Variants in SMAD2 observed in about 807,000 individuals in gnomAD.
SMAD2 encodes the protein MAD homolog 2.
A neutral mutation model predicts 64.4 loss-of-function variants in SMAD2; 8 were observed. The observed-to-expected ratio is 0.12, with a 90% CI of 0.07 to 0.22. The LOEUF (loss-of-function observed/expected upper bound fraction) is 0.22, where lower values mean the gene tolerates loss of function less well. SMAD2 is among the 10% of genes least tolerant of loss of function. SMAD2 has a pLI of 1.00. For synonymous variants in SMAD2, 203 were observed against 195.8 expected (o/e 1.04, Z -0.31); for missense variants, 289 against 561.2 (o/e 0.51, Z 4.90).
intron 1 of SMAD2, among the ~76,000 whole-genome samples, chr18:47,912,841 A>C (rs2034190433): frequency 2.0e-5 from 3 of 150,126 alleles, no homozygotes; most frequent in African/African-American, 7.5e-5. Flanking sequence ...TAAAAAATGA[A>C]ACTTCTGTAT....
chr18:47,926,223 G>C (rs957997871), intron 1 of SMAD2, among the ~76,000 whole-genome samples: 6 of 152,272 alleles, frequency 3.9e-5, no homozygotes, highest in African/African-American at 1.4e-4. Context: ...ATAAGCTATA[G>C]CACAATCTTC....
chr18:47,925,154 A>C (rs2034714416), intron 1 of SMAD2, among the ~76,000 whole-genome samples: 1 of 152,220 alleles, frequency 6.6e-6, no homozygotes, highest in South Asian at 2.1e-4. Flanking sequence ...AACAGAAGCA[A>C]CTAAAGTCTA....
Position 47,830,721 on chromosome 18 carries a change from G to A in SMAD2, c.*11106C>T, listed in dbSNP as rs1248774658. The A allele has an allele frequency of 3.3e-5, 5 of 153,052 alleles. No individual in the cohort carries two copies. The highest frequency in any genetic ancestry group is 5.8e-5 in the Non-Finnish European group (4 of 68,582). 9.5% of individuals were successfully genotyped at this position (153,052 alleles called of 1,614,324 possible). A position where few individuals can be genotyped will look rare whatever the true frequency, so the allele number is the denominator to read the frequency against. On this transcript the variant is annotated 3_prime_UTR_variant, in exon 11 of 11. Coordinates refer to ENST00000262160, the MANE Select transcript of SMAD2 (RefSeq NM_005901.6). ...TCAAATACTGCCACAATATAGTTTA[G>A]AGGCAAGACCTCTCATGAAGAAAAA...
intron 2 of SMAD2, among the ~76,000 whole-genome samples, chr18:47,879,674 ATTTC>A (rs2032473985): frequency 1.3e-5 from 2 of 152,152 alleles, no homozygotes; most frequent in African/African-American, 4.8e-5. Context: ...TAGAAATATG[ATTTC>A]TTTTTTTCTC....
rs191077192 is a variant in SMAD2 at position 47,838,376 on chromosome 18, A to G, written c.*3451T>C. On this transcript the variant is annotated 3_prime_UTR_variant, in exon 11 of 11. Transcript: ENST00000262160. ...TCTGCCAAAGTGACAGGTCCTGAGG[A>G]AAAAAAACACAACCTCTACAAGACC... 6.0e-5 allele frequency: 14 copies of G among 232,968 alleles called. No homozygotes were observed. Among genetic ancestry groups the G allele is most frequent in the African/African-American group, 1.8e-4 (8 of 45,396 alleles). 14.4% of individuals were successfully genotyped at this position (232,968 alleles called of 1,614,324 possible).
chr18:47,835,642 G>T lies in SMAD2; in HGVS notation c.*6185C>A. 1 of 193,344 alleles carries T rather than the reference G, an allele frequency of 5.2e-6. No homozygotes were observed. Among genetic ancestry groups the T allele is most frequent in the Admixed American group, 6.1e-5 (1 of 16,368 alleles). 12.0% of individuals were successfully genotyped at this position (193,344 alleles called of 1,614,324 possible). A position where few individuals can be genotyped will look rare whatever the true frequency, so the allele number is the denominator to read the frequency against. On this transcript the variant is annotated 3_prime_UTR_variant, in exon 11 of 11. Coordinates refer to ENST00000262160, the MANE Select transcript of SMAD2 (RefSeq NM_005901.6). The stretch of plus-strand genomic sequence containing the variant: ...AACTTAATATAGAACCAGAAATATG[G>T]CAAGTTACCTAGTGATTAACATTGT...
intron 2 of SMAD2, among the ~76,000 whole-genome samples, chr18:47,891,037 G>A (rs747091469): frequency 9.9e-5 from 15 of 152,168 alleles, no homozygotes; most frequent in Non-Finnish European, 1.6e-4. Context: ...GGGCATGGTG[G>A]CTCATGCCTG....
chr18:47,848,519 T>C lies in SMAD2; in HGVS notation c.953A>G (p.Asn318Ser). The C allele has an allele frequency of 1.9e-6, 3 of 1,613,980 alleles. No individual in the cohort carries two copies. The highest frequency in any genetic ancestry group is 1.7e-5 in the Admixed American group (1 of 60,020). The change falls in exon 8 of 11, where the codon AAT becomes AGT. Residue 318 changes from asparagine to serine, a missense_variant. Transcript: ENST00000262160. ...SERFCLGLLS[N>S]VNRNATVEMT... ...TTCTACCGTGGCATTTCGGTTAACA[T>C]TGGAGAGTAAACCTAAGCAGAACCT...
Position 47,820,250 on chromosome 18 carries a change from TC to T in SMAD2, c.*21576del, listed in dbSNP as rs1912523822. The T allele has an allele frequency of 6.6e-6, 1 of 152,188 alleles. No individual in the cohort carries two copies. The highest frequency in any genetic ancestry group is 6.5e-5 in the Admixed American group (1 of 15,270). 9.4% of individuals were successfully genotyped at this position (152,188 alleles called of 1,614,324 possible). On this transcript the variant is annotated 3_prime_UTR_variant, in exon 11 of 11. Coordinates refer to ENST00000262160, the MANE Select transcript of SMAD2 (RefSeq NM_005901.6). ...ATGTTTCTAAAAATTATAATATGGT[TC>T]TCATTTATAAAATGCTGATATAACA...
intron 2 of SMAD2, among the ~76,000 whole-genome samples, chr18:47,883,886 A>C (rs1452434682): frequency 1.3e-5 from 2 of 152,214 alleles, no homozygotes; most frequent in Non-Finnish European, 2.9e-5. Context: ...GACTGCTGAT[A>C]GGTTTCAAGC....
Position 47,866,256 on chromosome 18 carries a change from C to T in SMAD2, c.656-1123G>A, listed in dbSNP as rs80345885. 6.7e-4 allele frequency among the ~76,000 whole-genome samples: 84 copies of T among 124,818 alleles called. No homozygotes were observed. The East Asian group carries it at 0.012, about 17-fold the overall frequency. 81.9% of individuals were successfully genotyped at this position (124,818 alleles called of 152,430 possible). On this transcript the variant is annotated intron_variant, in intron 5 of 10. Transcript: ENST00000262160. The stretch of plus-strand genomic sequence containing the variant: ...ATTTGAACCCAGGAGGTGGAGGCTG[C>T]GGTGAGCCGAGATCACACCATTGTA...
chr18:47,900,768 A>ATCATTGTAGTTCACCT (rs1555659740), intron 1 of SMAD2, among the ~76,000 whole-genome samples: 1 of 152,152 alleles, frequency 6.6e-6, no homozygotes, highest in Non-Finnish European at 1.5e-5. Flanking sequence ...AGCAATCTAG[A>ATCATTGTAGTTCACCT]TCATTGTAGT....
chr18:47,862,005 G>C (rs903844640), intron 6 of SMAD2, among the ~76,000 whole-genome samples: 1 of 152,202 alleles, frequency 6.6e-6, no homozygotes, highest in African/African-American at 2.4e-5. Context: ...GTCTAGCTCA[G>C]AGTCTCACTA....
Position 47,841,040 on chromosome 18 carries a change from TG to T in SMAD2, c.*786del, listed in dbSNP as rs1913896095. ...GTATCAATGCAACTATTACTGGTGATGATGTCATGTTATGCTGTTTTGATTA... is the reference window on the plus strand; with the variant it reads ...GTATCAATGCAACTATTACTGGTGATATGTCATGTTATGCTGTTTTGATTA... On this transcript the variant is annotated 3_prime_UTR_variant, in exon 11 of 11. Transcript: ENST00000262160. 1 of 232,282 alleles carries T rather than the reference TG, an allele frequency of 4.3e-6. No individual in the cohort carries two copies. Among genetic ancestry groups the T allele is most frequent in the South Asian group, 1.8e-4 (1 of 5,524 alleles). The allele number at this position is 232,282 out of a possible 1,614,324, so 14.4% of individuals were successfully genotyped here. A position where few individuals can be genotyped will look rare whatever the true frequency, so the allele number is the denominator to read the frequency against.
intron 1 of SMAD2, among the ~76,000 whole-genome samples, chr18:47,930,092 A>C (rs1296361950): frequency 3.3e-5 from 5 of 152,174 alleles, no homozygotes; most frequent in African/African-American, 9.7e-5. Context: ...TCAGAACCAC[A>C]AACTATGGAG....
At chr18:47,852,719 T>TA (rs1333157394) in intron 6 of SMAD2, among the ~76,000 whole-genome samples, 2 of 152,118 alleles carry the variant, frequency 1.3e-5, no homozygotes, top group Non-Finnish European at 2.9e-5. Flanking sequence ...TCAGTTCTGG[T>TA]AAATTACACT....
At chr18:47,906,950 A>G (rs541094033) in intron 1 of SMAD2, among the ~76,000 whole-genome samples, 5 of 152,164 alleles carry the variant, frequency 3.3e-5, no homozygotes, top group East Asian at 3.9e-4. Flanking sequence ...TCTCCATCTC[A>G]AGATCCTTAA....
chr18:47,888,913 A>T (rs1304359561), intron 2 of SMAD2, among the ~76,000 whole-genome samples: 1 of 152,180 alleles, frequency 6.6e-6, no homozygotes, highest in Non-Finnish European at 1.5e-5. Flanking sequence ...TAACTATTAT[A>T]AATATATTAA....
Position 47,818,737 on chromosome 18 carries a change from G to A in SMAD2, c.*23090C>T, listed in dbSNP as rs921651529. ...TTAAACTCATTTGAAACTGAAAAAAGGGAAAAAAGGGGTTGGGGAGGTGGG... is the reference window on the plus strand; with the variant it reads ...TTAAACTCATTTGAAACTGAAAAAAAGGAAAAAAGGGGTTGGGGAGGTGGG... On this transcript the variant is annotated 3_prime_UTR_variant, in exon 11 of 11. Transcript: ENST00000262160. The A allele has an allele frequency of 2.6e-5, 4 of 152,096 alleles. No homozygotes were observed. The South Asian group carries it at 8.3e-4, about 31-fold the overall frequency. 9.4% of individuals were successfully genotyped at this position (152,096 alleles called of 1,614,324 possible).
Sources: allele counts gnomAD v4.1 joint callset (sites outside exome capture counted in the v4.1 genomes callset), GRCh38; gene constraint gnomAD v4.1.1; transcripts MANE v1.5; gene names NCBI Gene and HGNC (gene_info 2026-07-23, HGNC 2026-07-21).